IQCM: variants seen among roughly 807,000 people sequenced by gnomAD.
IQCM encodes the protein IQ motif containing M.
A neutral mutation model predicts 57.6 loss-of-function variants in IQCM; 45 were observed. The observed-to-expected ratio is 0.78, with a 90% CI of 0.62 to 1.00. IQCM has a LOEUF of 1.00. IQCM is among the 50% of genes least tolerant of loss of function. The pLI is 0.00. For synonymous variants in IQCM, 148 were observed against 158.9 expected (o/e 0.93, Z 0.51); for missense variants, 468 against 511.6 (o/e 0.91, Z 0.82).
chr4:149,356,031 A>G (rs1273100953), intron 13 of IQCM, among the ~76,000 whole-genome samples: 3 of 152,188 alleles, frequency 2.0e-5, no homozygotes, highest in Admixed American at 6.5e-5. Flanking sequence ...TTTTGGCTGC[A>G]TAAATGTCTT....
At chr4:149,354,379 A>AC (rs1560766398) in intron 13 of IQCM, among the ~76,000 whole-genome samples, 16 of 142,430 alleles carry the variant, frequency 1.1e-4, no homozygotes, top group Admixed American at 2.1e-4. Context: ...AAAAAAAAAA[A>AC]AAAAAAAAAA....
At chr4:149,736,650 A>C (rs888513120) in intron 3 of IQCM, among the ~76,000 whole-genome samples, 2 of 152,162 alleles carry the variant, frequency 1.3e-5, no homozygotes, top group Non-Finnish European at 2.9e-5. Context: ...ATACCACTAC[A>C]CTCACCAAAA....
rs181955475 is a variant in IQCM at position 149,501,676 on chromosome 4, T to C, written c.1228+46779A>G. The stretch of plus-strand genomic sequence containing the variant: ...ATGAGAAATGATCTCCAAATTATCC[T>C]GCTAAGAAACATTAGAAACATCAGG... On this transcript the variant is annotated intron_variant, in intron 12 of 13. Coordinates refer to ENST00000636793, the MANE Select transcript of IQCM (RefSeq NM_001363507.2). Among the ~76,000 whole-genome samples the C allele has an allele frequency of 9.8e-5, 15 of 152,290 alleles. 1 individual carries two copies. Among genetic ancestry groups the C allele is most frequent in the Admixed American group, 9.2e-4 (14 of 15,282 alleles).
At chr4:149,780,145 A>G (rs1771468789) in intron 2 of IQCM, 1 of 152,166 alleles carries the variant, frequency 6.6e-6, no homozygotes, top group Non-Finnish European at 1.5e-5. Context: ...TAAACATTAG[A>G]AACATATTGT....
chr4:149,545,984 A>G (rs1442199550), intron 12 of IQCM, among the ~76,000 whole-genome samples: 1 of 152,034 alleles, frequency 6.6e-6, no homozygotes, highest in Non-Finnish European at 1.5e-5. Flanking sequence ...CGACCCCACG[A>G]CAGGCCCCAG....
intron 9 of IQCM, among the ~76,000 whole-genome samples, chr4:149,585,448 C>G (rs1309673365): frequency 6.6e-6 from 1 of 151,572 alleles, no homozygotes; most frequent in Admixed American, 6.6e-5. Flanking sequence ...TATTGATTTA[C>G]TTAAATATTT....
chr4:149,652,353 T>C (rs776764528), intron 7 of IQCM, among the ~76,000 whole-genome samples: 59 of 151,990 alleles, frequency 3.9e-4, no homozygotes, highest in Non-Finnish European at 7.2e-4. Flanking sequence ...CATGCGGGGC[T>C]TAAAACCCAG....
At chr4:149,482,032 T>C (rs1295012787) in intron 12 of IQCM, among the ~76,000 whole-genome samples, 2 of 151,834 alleles carry the variant, frequency 1.3e-5, no homozygotes, top group Non-Finnish European at 2.9e-5. Flanking sequence ...TTTAATTTTA[T>C]GTGTGGCTAT....
intron 2 of IQCM, among the ~76,000 whole-genome samples, chr4:149,785,784 T>C (rs1772025418): frequency 6.6e-6 from 1 of 151,882 alleles, no homozygotes; most frequent in South Asian, 2.1e-4. Context: ...CTGTTGCTTA[T>C]TATTCTTTGT....
intron 13 of IQCM, among the ~76,000 whole-genome samples, chr4:149,410,434 G>T (rs1409439332): frequency 1.3e-5 from 2 of 150,580 alleles, no homozygotes; most frequent in Non-Finnish European, 3.0e-5. Context: ...GTGTGTGTGT[G>T]TGTGTGTATT....
At chr4:149,588,862 T>C (rs888729537) in intron 8 of IQCM, among the ~76,000 whole-genome samples, 3 of 151,978 alleles carry the variant, frequency 2.0e-5, no homozygotes, top group African/African-American at 7.2e-5. Flanking sequence ...TCACAATGTC[T>C]GTAACAAAGC....
At chr4:149,481,701 G>GTTTTGTTTTTTTTTTTTTTTTTTTT (rs1740817619) in intron 12 of IQCM, among the ~76,000 whole-genome samples, 4 of 51,580 alleles carry the variant, frequency 7.8e-5, no homozygotes, top group African/African-American at 3.0e-4. Context: ...TTCCAGTTTT[G>GTTTTGTTTTTTTTTTTTTTTTTTTT]TTTTTTTTTT....
chr4:149,488,344 G>A (rs1179739789), intron 12 of IQCM, among the ~76,000 whole-genome samples: 1 of 152,084 alleles, frequency 6.6e-6, no homozygotes, highest in Admixed American at 6.6e-5. Flanking sequence ...ATATAGTTAT[G>A]CTAAAATGAG....
intron 12 of IQCM, among the ~76,000 whole-genome samples, chr4:149,446,400 A>G (rs761840927): frequency 4.6e-4 from 70 of 151,910 alleles, no homozygotes; most frequent in Non-Finnish European, 7.4e-4. Context: ...TTACTGGCTC[A>G]AATATGAATA....
chr4:149,368,455 G>A (rs2110957256), intron 13 of IQCM, among the ~76,000 whole-genome samples: 1 of 151,922 alleles, frequency 6.6e-6, no homozygotes, highest in Middle Eastern at 3.4e-3. Flanking sequence ...TGACTGCTAA[G>A]GCAAAGAATA....
intron 7 of IQCM, among the ~76,000 whole-genome samples, chr4:149,669,162 G>T (rs934955117): frequency 6.6e-6 from 1 of 152,112 alleles, no homozygotes; most frequent in Non-Finnish European, 1.5e-5. Context: ...ACTTTTTCAT[G>T]ATCGCCATTC....
At chr4:149,626,200 T>C (rs1756780558) in intron 7 of IQCM, among the ~76,000 whole-genome samples, 1 of 151,680 alleles carries the variant, frequency 6.6e-6, no homozygotes, top group Admixed American at 6.6e-5. Flanking sequence ...CAGAAAAATA[T>C]GAAAAGAGAC....
chr4:149,562,721 C>A (rs1031075529), intron 10 of IQCM, among the ~76,000 whole-genome samples: 3 of 152,124 alleles, frequency 2.0e-5, no homozygotes, highest in African/African-American at 7.2e-5. Flanking sequence ...CAGAGTTTTA[C>A]ATGTATTATC....
At chr4:149,803,219 T>A (rs1773769379) in intron 2 of IQCM, among the ~76,000 whole-genome samples, 1 of 151,948 alleles carries the variant, frequency 6.6e-6, no homozygotes, top group Admixed American at 6.6e-5. Flanking sequence ...CCTTCCATAA[T>A]CTTGATTTTG....
Sources: gnomAD v4.1 joint callset for allele counts (sites outside exome capture counted in the v4.1 genomes callset) on GRCh38, gnomAD v4.1.1 for gene constraint, MANE v1.5 for transcripts, NCBI Gene and HGNC (gene_info 2026-07-23, HGNC 2026-07-21) for gene names.